The following PTPN2 variants were observed in gnomAD, a reference collection of about 807,000 sequenced individuals.
PTPN2 encodes the protein tyrosine-protein phosphatase non-receptor type 2.
In PTPN2, 19 loss-of-function variants were observed where a neutral mutation model predicts 57.3. The observed-to-expected ratio is 0.33, with a 90% CI of 0.23 to 0.49. The LOEUF is 0.49. Among genes scored for constraint, PTPN2 ranks in the 20% least tolerant of loss-of-function variants. PTPN2 has a pLI of 0.99. For missense variants in PTPN2, 358 were observed against 501.1 expected, an observed-to-expected ratio of 0.71 and a Z score of 2.73; for synonymous variants, 153 against 164.9, an observed-to-expected ratio of 0.93 and a Z score of 0.55.
At chr18:12,841,267 G>C (rs915272150) in intron 2 of PTPN2, among the ~76,000 whole-genome samples, 1 of 152,244 alleles carries the variant, frequency 6.6e-6, no homozygotes, top group Non-Finnish European at 1.5e-5. Flanking sequence ...TGGCGAGCTG[G>C]CTAGAGAGGG....
At chr18:12,874,049 C>T (rs560583853) in intron 1 of PTPN2, among the ~76,000 whole-genome samples, 1,917 of 150,450 alleles carry the variant, frequency 0.013, 20 homozygotes, top group South Asian at 0.036. Flanking sequence ...ACCCTCCGCC[C>T]GGCAGCCGCC....
rs1183710877 is a variant in PTPN2, at chr18:12,858,658, A to AT, written c.160+505_160+506insA. ...GTTTAAAGTACATGTTTATTTTTAA[A>AT]AACTCCAAAGAATATAAACCCAAGT... On this transcript the variant is annotated intron_variant, in intron 2 of 8. Coordinates refer to ENST00000309660, the MANE Select transcript of PTPN2 (RefSeq NM_002828.4). 2.6e-5 allele frequency among the ~76,000 whole-genome samples: 4 copies of AT among 152,252 alleles called. No individual in the cohort carries two copies. In the East Asian group the frequency reaches 7.7e-4, roughly 29 times the overall value.
intron 1 of PTPN2, 81 bp downstream of exon 1, chr18:12,883,992 A>G (rs1598913193): frequency 5.7e-6 from 7 of 1,220,050 alleles, no homozygotes; most frequent in East Asian, 3.0e-5. Context: ...GAGGCGGGGG[A>G]GGCGGGAGGG....
Position 12,852,191 on chromosome 18 carries a change from AACACACAC to A in PTPN2, c.160+6965_160+6972del, listed in dbSNP as rs139964591. On this transcript the variant is annotated intron_variant, in intron 2 of 8. Coordinates refer to ENST00000309660, the MANE Select transcript of PTPN2 (RefSeq NM_002828.4). Reference sequence around the variant, plus strand: ...CAAGAAATTTATGGTATGGGTTTTTAACACACACACACACACACACACACACACACACA... The same window carrying A: ...CAAGAAATTTATGGTATGGGTTTTTAACACACACACACACACACACACACA... Among the ~76,000 whole-genome samples the A allele has an allele frequency of 7.0e-3, 986 of 140,508 alleles. 13 individuals are homozygous for A. The highest frequency in any genetic ancestry group is 0.028 in the Admixed American group (379 of 13,726). 92.2% of individuals were successfully genotyped at this position (140,508 alleles called of 152,430 possible).
chr18:12,847,189 C>T (rs1467890829), intron 2 of PTPN2, among the ~76,000 whole-genome samples: 1 of 152,114 alleles, frequency 6.6e-6, no homozygotes, highest in Admixed American at 6.5e-5. Flanking sequence ...TCTAATGCAA[C>T]CCTCTATAAT....
At chr18:12,845,232 C>G (rs1000430915) in intron 2 of PTPN2, among the ~76,000 whole-genome samples, 1 of 152,130 alleles carries the variant, frequency 6.6e-6, no homozygotes, top group African/African-American at 2.4e-5. Context: ...TCTTTAGGAA[C>G]AATTTGACAC....
intron 1 of PTPN2, among the ~76,000 whole-genome samples, chr18:12,870,393 G>GTATATATACACGTATATATATGTA (rs2044188661): frequency 2.6e-5 from 1 of 37,844 alleles, no homozygotes; most frequent in Non-Finnish European, 4.6e-5. Flanking sequence ...ACGTATATAT[G>GTATATATACACGTATATATATGTA]TATATATACA....
At chr18:12,798,031 T>C (rs1336122138) in intron 8 of PTPN2, among the ~76,000 whole-genome samples, 2 of 152,172 alleles carry the variant, frequency 1.3e-5, no homozygotes, top group Non-Finnish European at 2.9e-5. Flanking sequence ...TGCTCCAGAC[T>C]TTTCGTATGT....
At chr18:12,788,276 A>T (rs1199727856), downstream of PTPN2, 1 of 152,482 alleles carries the variant, frequency 6.6e-6, no homozygotes, top group African/African-American at 2.4e-5. Context: ...TGTATAACGT[A>T]AAACCAGAAA....
intron 6 of PTPN2, 54 bp downstream of exon 6, chr18:12,817,102 C>T: frequency 1.3e-6 from 2 of 1,515,558 alleles, no homozygotes; most frequent in South Asian, 2.4e-5. Context: ...CCAGTGGAAG[C>T]AATTTAAAAA....
intron 3 of PTPN2, among the ~76,000 whole-genome samples, chr18:12,833,576 G>A (rs1052063856): frequency 6.6e-6 from 1 of 152,126 alleles, no homozygotes; most frequent in Non-Finnish European, 1.5e-5. Context: ...GTCCACTCCA[G>A]GCCCTCCAAG....
chr18:12,838,237 C>T (rs1568132216), intron 2 of PTPN2, among the ~76,000 whole-genome samples: 1 of 152,128 alleles, frequency 6.6e-6, no homozygotes, highest in African/African-American at 2.4e-5. Context: ...CCAAAGGCTA[C>T]TCATATCTAT....
At chr18:12,866,772 G>A (rs1376684560) in intron 1 of PTPN2, among the ~76,000 whole-genome samples, 1 of 152,076 alleles carries the variant, frequency 6.6e-6, no homozygotes, top group Non-Finnish European at 1.5e-5. Flanking sequence ...ACTTTGGGAG[G>A]CCGAGGCAAA....
At chr18:12,883,845 C>T (rs1156877530) in intron 1 of PTPN2, 3 of 438,044 alleles carry the variant, frequency 6.8e-6, no homozygotes, top group Non-Finnish European at 1.2e-5. Context: ...CTTGCGCTAA[C>T]CATGAGCTGC....
chr18:12,785,847 A>G, intron 9 of PTPN2: 1 of 1,605,608 alleles, frequency 6.2e-7, no homozygotes. Context: ...ATCTTGGCCT[A>G]AAACATAAAA....
intron 7 of PTPN2, among the ~76,000 whole-genome samples, chr18:12,808,653 C>T (rs988468849): frequency 1.3e-5 from 2 of 152,086 alleles, no homozygotes; most frequent in East Asian, 1.9e-4. Context: ...TGGTGGCACA[C>T]GCCTATAGTC....
intron 2 of PTPN2, among the ~76,000 whole-genome samples, chr18:12,847,676 G>T (rs1282871096): frequency 6.9e-6 from 1 of 145,270 alleles, no homozygotes; most frequent in South Asian, 2.2e-4. Context: ...AGGCTGGAAT[G>T]CAATGGCGCA....
chr18:12,848,922 T>C (rs2043301319), intron 2 of PTPN2, among the ~76,000 whole-genome samples: 1 of 152,248 alleles, frequency 6.6e-6, no homozygotes, highest in Non-Finnish European at 1.5e-5. Context: ...AGACAGTTAA[T>C]TTATTTCTTT....
intron 2 of PTPN2, among the ~76,000 whole-genome samples, chr18:12,848,033 G>A (rs2043273731): frequency 6.6e-6 from 1 of 151,970 alleles, no homozygotes; most frequent in Non-Finnish European, 1.5e-5. Flanking sequence ...ACTGACATCT[G>A]GTCTTTATTT....
Sources: gnomAD v4.1 joint callset for allele counts (sites outside exome capture counted in the v4.1 genomes callset) on GRCh38, gnomAD v4.1.1 for gene constraint, MANE v1.5 for transcripts, NCBI Gene and HGNC (gene_info 2026-07-23, HGNC 2026-07-21) for gene names.